The following ATR variants were observed in gnomAD, a reference collection of about 807,000 sequenced individuals.
ATR encodes serine/threonine-protein kinase ATR.
A neutral mutation model predicts 305.3 loss-of-function variants in ATR; 142 were observed. The ratio of observed to expected loss-of-function variants is 0.47; its 90% CI spans 0.41 to 0.53. The LOEUF (loss-of-function observed/expected upper bound fraction) is 0.53. ATR is among the 20% of genes least tolerant of loss of function. The probability of loss-of-function intolerance (pLI) is 0.00; values close to 1 mark genes in which losing one functional copy is unlikely to be tolerated. For synonymous variants in ATR, 1,050 were observed against 1,068.1 expected, an observed-to-expected ratio of 0.98 and a Z score of 0.33; for missense variants, 2,135 against 3,133.1, an observed-to-expected ratio of 0.68 and a Z score of 7.60.
In ATR at chr3:142,470,072, G is replaced by A. The variant is rs767196742; in HGVS notation, c.6319+14C>T. The A allele has an allele frequency of 8.2e-6, 13 of 1,576,768 alleles. No homozygotes were observed. The highest frequency in any genetic ancestry group is 5.6e-5 in the South Asian group (5 of 89,914). On this transcript the variant is annotated intron_variant, in intron 37 of 46. Transcript: ENST00000350721. Reference sequence around the variant, plus strand: ...ATTCCTAGTCCTTTAAAACTTTTACGTGAAGAGTTATACCTTTTTCCCATT... The same window carrying A: ...ATTCCTAGTCCTTTAAAACTTTTACATGAAGAGTTATACCTTTTTCCCATT...
chr3:142,449,800 T>C lies in ATR; in HGVS notation c.7762-198A>G, dbSNP rs922125006. On this transcript the variant is annotated intron_variant, in intron 46 of 46. Transcript: ENST00000350721. Reference sequence around the variant, plus strand: ...CTGATTTGGAGGCTCGCAAGATTGATTCAACATCAACTGCTTGGACATGTT... The same window carrying C: ...CTGATTTGGAGGCTCGCAAGATTGACTCAACATCAACTGCTTGGACATGTT... 62 of 598,256 alleles carry C rather than the reference T, an allele frequency of 1.0e-4. No individual in the cohort carries two copies. In the East Asian group the frequency reaches 1.8e-3, roughly 17 times the overall value. 37.1% of individuals were successfully genotyped at this position (598,256 alleles called of 1,614,324 possible).
chr3:142,482,343 A>C (rs1230703597), intron 36 of ATR, among the ~76,000 whole-genome samples: 1 of 152,216 alleles, frequency 6.6e-6, no homozygotes, highest in African/African-American at 2.4e-5. Flanking sequence ...CTATGGATAG[A>C]AACAGGTTTT....
At chr3:142,496,657 G>C in intron 33 of ATR, 137 bp from the exon 34 acceptor site, 1 of 873,978 alleles carries the variant, frequency 1.1e-6, no homozygotes, top group Non-Finnish European at 1.8e-6. Context: ...TCCCAATACA[G>C]AACCTTCTTC....
At chr3:142,527,225 T>C (rs888945519) in intron 21 of ATR, among the ~76,000 whole-genome samples, 26 of 152,226 alleles carry the variant, frequency 1.7e-4, no homozygotes, top group Non-Finnish European at 3.1e-4. Flanking sequence ...CTGTTATATA[T>C]TGCCGCTTTT....
chr3:142,487,328 A>G (rs576807160), intron 35 of ATR, among the ~76,000 whole-genome samples: 1 of 152,138 alleles, frequency 6.6e-6, no homozygotes, highest in African/African-American at 2.4e-5. Context: ...GTAGAGACGG[A>G]GATTTGCTAT....
chr3:142,561,476 T>G (rs975437516), intron 4 of ATR, 55 bp from the exon 5 acceptor site: 1 of 1,510,556 alleles, frequency 6.6e-7, no homozygotes, highest in African/African-American at 1.4e-5. Flanking sequence ...ATATTTATAT[T>G]ATTCATAGGC....
intron 23 of ATR, among the ~76,000 whole-genome samples, chr3:142,521,894 C>T (rs888430137): frequency 1.3e-5 from 2 of 152,314 alleles, no homozygotes; most frequent in African/African-American, 4.8e-5. Context: ...ATTACATAAA[C>T]TTAGTTGATT....
rs1460607797 is a variant in ATR at position 142,553,682 on chromosome 3, T to C, written c.2591A>G (p.Glu864Gly). 6.2e-7 allele frequency: 1 copy of C among 1,612,482 alleles called. No individual in the cohort carries two copies. Among genetic ancestry groups the C allele is most frequent in the Admixed American group, 1.7e-5 (1 of 60,016 alleles). ...TGTAAGAATCAAGGTATCCTTCAGC[T>C]CATTATTTCTTGATATTTGGGCATG... Reference protein sequence around the residue: ...YTHAQISRNNELKDTLILTTG... With the variant: ...YTHAQISRNNGLKDTLILTTG... The change falls in exon 12 of 47, where the codon GAG (glutamate) becomes GGG (glycine). Residue 864 changes from glutamate (E) to glycine (G), a missense_variant. Transcript: ENST00000350721.
rs560500920 is a variant in ATR at position 142,489,615 on chromosome 3, A to G, written c.6078+3517T>C. On this transcript the variant is annotated intron_variant, in intron 35 of 46. Transcript: ENST00000350721. ...TTCATTCAGCATATCTATGACATTA[A>G]TCTACCTTGTTGCGTGTATCAGTAG... 8.1e-4 allele frequency among the ~76,000 whole-genome samples: 124 copies of G among 152,304 alleles called. 2 individuals carry two copies. In the South Asian group the frequency reaches 0.025, roughly 31 times the overall value.
At chr3:142,479,447 C>T (rs1247479071) in intron 36 of ATR, among the ~76,000 whole-genome samples, 4 of 152,116 alleles carry the variant, frequency 2.6e-5, no homozygotes, top group Non-Finnish European at 5.9e-5. Flanking sequence ...GAATTTCTGC[C>T]GAGAGATCAG....
chr3:142,505,720 G>C (rs1381023078), intron 28 of ATR, among the ~76,000 whole-genome samples: 2 of 152,106 alleles, frequency 1.3e-5, no homozygotes, highest in African/African-American at 2.4e-5. Flanking sequence ...ACAGCAATCT[G>C]GGCTCAAAGG....
At chr3:142,533,185 C>T (rs2033728705) in intron 21 of ATR, among the ~76,000 whole-genome samples, 1 of 152,174 alleles carries the variant, frequency 6.6e-6, no homozygotes, top group South Asian at 2.1e-4. Context: ...ATCTTAGCTA[C>T]TCAGGAGGCT....
intron 13 of ATR, among the ~76,000 whole-genome samples, chr3:142,552,856 G>C (rs758196545): frequency 4.0e-5 from 6 of 150,262 alleles, no homozygotes; most frequent in Non-Finnish European, 8.9e-5. Flanking sequence ...ACTAACACAG[G>C]AACAGAAAAC....
At chr3:142,525,495 G>A (rs1317197630) in intron 21 of ATR, among the ~76,000 whole-genome samples, 1 of 151,992 alleles carries the variant, frequency 6.6e-6, no homozygotes, top group Non-Finnish European at 1.5e-5. Context: ...AAGGAGAACT[G>A]AAATCGTTAT....
At chr3:142,540,585 A>C (rs2034015087) in intron 18 of ATR, among the ~76,000 whole-genome samples, 1 of 152,110 alleles carries the variant, frequency 6.6e-6, no homozygotes, top group South Asian at 2.1e-4. Flanking sequence ...AGATTCTGGG[A>C]TCTTCTCTAA....
intron 30 of ATR, chr3:142,499,979 A>C (rs2031870337): frequency 2.7e-6 from 1 of 366,542 alleles, no homozygotes; most frequent in African/African-American, 2.1e-5. Flanking sequence ...AAAGTGTGCC[A>C]TATATTAGAG....
chr3:142,553,650 C>T lies in ATR; in HGVS notation c.2623G>A (p.Asp875Asn), dbSNP rs2034559509. Residue 875 changes from aspartate to asparagine, a missense_variant, in exon 12 of 47, where the codon GAT becomes AAT. By Grantham distance (23) the Asp-to-Asn change is conservative (BLOSUM62 1). Coordinates refer to ENST00000350721, the MANE Select transcript of ATR (RefSeq NM_001184.4). ...TGCTGCCAAGTATACCTTCCAATATCCCCTGTTGTAAGAATCAAGGTATCC... is the reference window on the plus strand; with the variant it reads ...TGCTGCCAAGTATACCTTCCAATATTCCCTGTTGTAAGAATCAAGGTATCC... ...LKDTLILTTG[D>N]IGRAAKGDLV... 4 of 1,606,412 alleles carry T rather than the reference C, an allele frequency of 2.5e-6. No homozygotes were observed. Among genetic ancestry groups the T allele is most frequent in the Non-Finnish European group, 3.4e-6 (4 of 1,173,496 alleles).
chr3:142,471,021 G>A (rs548460735), intron 36 of ATR, among the ~76,000 whole-genome samples: 16 of 152,076 alleles, frequency 1.1e-4, no homozygotes, highest in Admixed American at 3.3e-4. Flanking sequence ...ACATTGTTGC[G>A]TAATCATCAC....
intron 24 of ATR, among the ~76,000 whole-genome samples, chr3:142,516,967 A>AAGTCTTAT (rs2032889326): frequency 7.0e-6 from 1 of 143,614 alleles, no homozygotes; most frequent in African/African-American, 2.7e-5. Context: ...CCTATACCCA[A>AAGTCTTAT]AGTCTTATAC....
Sources: allele counts gnomAD v4.1 joint callset (sites outside exome capture counted in the v4.1 genomes callset), GRCh38; gene constraint gnomAD v4.1.1; transcripts MANE v1.5; gene names NCBI Gene and HGNC (gene_info 2026-07-23, HGNC 2026-07-21).